The following METTL21C variants were observed in gnomAD, a reference collection of about 807,000 sequenced individuals.
METTL21C encodes methyltransferase 21C, AARS1 lysine, also known as protein-lysine methyltransferase METTL21C.
Under a neutral mutation model 25.9 loss-of-function variants are expected in METTL21C, and 21 were observed. The ratio of observed to expected loss-of-function variants is 0.81; its 90% CI spans 0.58 to 1.17. The LOEUF is 1.17. Ranked by LOEUF, METTL21C falls within the 50% of genes most tolerant of loss-of-function variation. The pLI, the probability that METTL21C is intolerant of heterozygous loss-of-function variation, is 0.00. For synonymous variants in METTL21C, 125 were observed against 124.7 expected (o/e 1.00, Z -0.01); for missense variants, 312 against 315.1 (o/e 0.99, Z 0.07).
In METTL21C at chr13:102,685,785, C is replaced by T. The variant is rs575166022; in HGVS notation, c.*246G>A. On this transcript the variant is annotated 3_prime_UTR_variant, in exon 4 of 4. Coordinates refer to ENST00000267273, the MANE Select transcript of METTL21C (RefSeq NM_001010977.3). ...GTAAGATTTATTAAACATGTAACTT[C>T]GTTGGAACCAACAAAGCTACTTTCA... 3 of 404,126 alleles carry T rather than the reference C, an allele frequency of 7.4e-6. No individual in the cohort carries two copies. The highest frequency in any genetic ancestry group is 2.0e-5 in the African/African-American group (1 of 49,254). The allele number at this position is 404,126 out of a possible 1,614,324, so 25.0% of individuals were successfully genotyped here.
upstream of METTL21C, among the ~76,000 whole-genome samples, chr13:102,698,079 A>G (rs1055753037): frequency 6.6e-6 from 1 of 152,174 alleles, no homozygotes; most frequent in Non-Finnish European, 1.5e-5. Flanking sequence ...TCCTTTCCAG[A>G]ATCAACAGGA....
chr13:102,696,655 T>C (rs1885951414), upstream of METTL21C, among the ~76,000 whole-genome samples: 1 of 152,142 alleles, frequency 6.6e-6, no homozygotes, highest in South Asian at 2.1e-4. Context: ...GGCTCTTAAA[T>C]GCTGGACTTA....
intron 1 of METTL21C, among the ~76,000 whole-genome samples, chr13:102,691,418 C>T (rs1212831991): frequency 6.6e-6 from 1 of 151,760 alleles, no homozygotes; most frequent in African/African-American, 2.4e-5. Flanking sequence ...GGTGTAATCT[C>T]AGCTCACCGC....
rs948481250 is a variant in METTL21C, at chr13:102,694,425, A to G, written c.74T>C (p.Leu25Ser). The change falls in exon 1 of 4, where the codon TTA becomes TCA. Residue 25 changes from leucine (L) to serine (S), a missense_variant. Coordinates refer to ENST00000267273, the MANE Select transcript of METTL21C (RefSeq NM_001010977.3). The part of the protein sequence containing the change: ...GEGLSSPGGW[L>S]EAEKKGAPQK... ...CGGAGCCCCCTTCTTCTCAGCCTCT[A>G]ACCAGCCACCCGGGGAGCTGAGTCC... 6.8e-7 allele frequency: 1 copy of G among 1,471,500 alleles called. No individual in the cohort carries two copies. Among genetic ancestry groups the G allele is most frequent in the Non-Finnish European group, 8.9e-7 (1 of 1,118,076 alleles). 91.2% of individuals were successfully genotyped at this position (1,471,500 alleles called of 1,614,324 possible).
chr13:102,693,312 T>C (rs1282285732), intron 1 of METTL21C, among the ~76,000 whole-genome samples: 1 of 152,218 alleles, frequency 6.6e-6, no homozygotes, highest in Non-Finnish European at 1.5e-5. Context: ...ATTTAAATGA[T>C]GGTTATATAT....
At chr13:102,699,944 T>G (rs779089281), upstream of METTL21C, among the ~76,000 whole-genome samples, 3 of 152,216 alleles carry the variant, frequency 2.0e-5, no homozygotes, top group Non-Finnish European at 4.4e-5. Flanking sequence ...TAAGACAGGA[T>G]TCTTCCTGCT....
chr13:102,702,208 T>G, the METTL21C span, among the ~76,000 whole-genome samples: 668 of 134,672 alleles, frequency 5.0e-3, 2 homozygotes, highest in African/African-American at 0.021. Context: ...TATATATATG[T>G]AGAGAGAGAG....
intron 1 of METTL21C, among the ~76,000 whole-genome samples, chr13:102,691,411 G>A (rs752549712): frequency 2.0e-5 from 3 of 151,500 alleles, no homozygotes; most frequent in Non-Finnish European, 2.9e-5. Flanking sequence ...GTGCAGTGGT[G>A]TAATCTCAGC....
the METTL21C span, among the ~76,000 whole-genome samples, chr13:102,701,753 G>C: frequency 6.6e-6 from 1 of 152,132 alleles, no homozygotes; most frequent in Non-Finnish European, 1.5e-5. Context: ...GGGAATTTGT[G>C]TGTAATTCCT....
At position 102,692,954 on chromosome 13, in the gene METTL21C, G is replaced by A. The variant is rs1289569984; in HGVS notation, c.130+1415C>T. 4.6e-5 allele frequency among the ~76,000 whole-genome samples: 7 copies of A among 152,146 alleles called. No homozygotes were observed. In the South Asian group the frequency reaches 1.0e-3, roughly 23 times the overall value. On this transcript the variant is annotated intron_variant, in intron 1 of 3. Coordinates refer to ENST00000267273, the MANE Select transcript of METTL21C (RefSeq NM_001010977.3). ...GAGGCTGGCTCTGAATTCTGGTTTAGAGGCAGGAGGAAGGCCGAAAAATAG... is the reference window on the plus strand; with the variant it reads ...GAGGCTGGCTCTGAATTCTGGTTTAAAGGCAGGAGGAAGGCCGAAAAATAG...
intron 2 of METTL21C, among the ~76,000 whole-genome samples, chr13:102,688,428 G>T (rs1301255832): frequency 6.6e-6 from 1 of 152,188 alleles, no homozygotes; most frequent in East Asian, 1.9e-4. Context: ...TGTAGAGGAG[G>T]CAGACAGCTG....
Position 102,687,040 on chromosome 13 carries a change from T to C in METTL21C, c.300A>G (p.Gln100=), listed in dbSNP as rs150442422. 125 of 1,613,720 alleles carry C rather than the reference T, an allele frequency of 7.7e-5. 1 individual carries two copies. Among genetic ancestry groups the C allele is most frequent in the South Asian group, 3.0e-4 (27 of 91,080 alleles). ...ATTCCTCGGCATGTTCCTCCAAGTA[T>C]TGACACAAAGCCATAGCCTAAAAAA... The part of the protein sequence containing the change: ...VVWPGAMALC[Q]YLEEHAEELN... The change falls in exon 3 of 4, where the codon CAA becomes CAG. Residue 100 remains glutamine (Q), a synonymous_variant. Coordinates refer to ENST00000267273, the MANE Select transcript of METTL21C (RefSeq NM_001010977.3).
intron 1 of METTL21C, among the ~76,000 whole-genome samples, chr13:102,691,479 A>T (rs1406968361): frequency 6.6e-6 from 1 of 152,030 alleles, no homozygotes. Context: ...CCTCCTGAGT[A>T]ACTGGGATTA....
At chr13:102,701,042 A>C in the METTL21C span, among the ~76,000 whole-genome samples, 4 of 152,076 alleles carry the variant, frequency 2.6e-5, no homozygotes, top group African/African-American at 9.7e-5. Flanking sequence ...CTATTAGGAA[A>C]GAATGTGTTT....
At chr13:102,690,749 A>G (rs1488299923) in intron 2 of METTL21C, 64 bp downstream of exon 2, 1 of 1,568,390 alleles carries the variant, frequency 6.4e-7, no homozygotes, top group Non-Finnish European at 8.7e-7. Flanking sequence ...GTCCAAGGCA[A>G]CTCTGAAGTA....
At chr13:102,686,551 T>C in intron 3 of METTL21C, 126 bp from the exon 4 acceptor site, 2 of 1,126,182 alleles carry the variant, frequency 1.8e-6, no homozygotes, top group East Asian at 5.1e-5. Context: ...GGGCTGGACA[T>C]GTTTGACCTA....
chr13:102,686,803 G>A, intron 3 of METTL21C, 137 bp downstream of exon 3: 1 of 672,150 alleles, frequency 1.5e-6, no homozygotes, highest in Non-Finnish European at 2.6e-6. Context: ...AGTAATTCCT[G>A]CCGCATGACA....
rs55715774 is a variant in METTL21C at position 102,694,900 on chromosome 13, TCA to T, written c.-404_-403del. 0.28 allele frequency among the ~76,000 whole-genome samples: 37,684 copies of T among 134,172 alleles called. 4,647 individuals are homozygous for T. Among genetic ancestry groups the T allele is most frequent in the East Asian group, 0.45 (2,044 of 4,524 alleles). The allele number at this position is 134,172 out of a possible 152,430, so 88.0% of individuals were successfully genotyped here. Reference sequence around the variant, plus strand: ...CTCTCTCTCTCTCTCTCTCTCTCTCTCACACACACACACACACACACACACAC... The same window carrying T: ...CTCTCTCTCTCTCTCTCTCTCTCTCTCACACACACACACACACACACACAC... On this transcript the variant is annotated 5_prime_UTR_variant, in exon 1 of 4. The change abolishes the stop of an existing upstream ORF in the 5' untranslated region. Coordinates refer to ENST00000267273, the MANE Select transcript of METTL21C (RefSeq NM_001010977.3).
upstream of METTL21C, among the ~76,000 whole-genome samples, chr13:102,699,542 A>G (rs189016362): frequency 6.6e-6 from 1 of 152,340 alleles, no homozygotes; most frequent in East Asian, 1.9e-4. Flanking sequence ...CAAATGCAAG[A>G]CATACCCACC....
Sources: allele counts gnomAD v4.1 joint callset (sites outside exome capture counted in the v4.1 genomes callset), GRCh38; gene constraint gnomAD v4.1.1; transcripts MANE v1.5; gene names NCBI Gene and HGNC (gene_info 2026-07-23, HGNC 2026-07-21).